The following PPHLN1 variants were observed in gnomAD, a reference collection of about 807,000 sequenced individuals.
The protein encoded by PPHLN1 is periphilin 1, also known as periphilin-1.
PPHLN1 carries 29 observed loss-of-function variants against 51.3 expected under a neutral mutation model. The ratio of observed to expected loss-of-function variants is 0.57; its 90% confidence interval spans 0.42 to 0.77. The LOEUF (loss-of-function observed/expected upper bound fraction) is 0.77. PPHLN1 is among the 30% of genes least tolerant of loss of function. The probability of loss-of-function intolerance (pLI) is 0.00; values close to 1 mark genes in which losing one functional copy is unlikely to be tolerated. For synonymous variants in PPHLN1, 147 were observed against 147.8 expected, an observed-to-expected ratio of 0.99 and a Z score of 0.04; for missense variants, 436 against 438.4, an observed-to-expected ratio of 0.99 and a Z score of 0.05.
At chr12:42,426,917 G>A (rs780767409) in intron 9 of PPHLN1, among the ~76,000 whole-genome samples, 1 of 152,128 alleles carries the variant, frequency 6.6e-6, no homozygotes, top group Non-Finnish European at 1.5e-5. Context: ...AAGTGGAGGG[G>A]GTGGGTCTTG....
chr12:42,416,400 G>A (rs1168431705), intron 9 of PPHLN1, among the ~76,000 whole-genome samples: 1 of 152,132 alleles, frequency 6.6e-6, no homozygotes, highest in Admixed American at 6.5e-5. Context: ...TTCAATTCTG[G>A]CATTAACCAC....
At chr12:42,363,030 A>G (rs1266374138) in intron 4 of PPHLN1, among the ~76,000 whole-genome samples, 1 of 152,162 alleles carries the variant, frequency 6.6e-6, no homozygotes, top group Non-Finnish European at 1.5e-5. Context: ...ACATTTATCT[A>G]GGCTTATATC....
At position 42,442,131 on chromosome 12, in the gene PPHLN1, A is replaced by C. The variant is rs1353994155; in HGVS notation, c.*622A>C. On this transcript the variant is annotated 3_prime_UTR_variant, in exon 10 of 10. Coordinates refer to ENST00000358314, the MANE Select transcript of PPHLN1 (RefSeq NM_201439.2). ...TGATGTATGAGTCTTAAATAATATC[A>C]TATACAAGACTAATAAATAGAAGAT... 4.2e-6 allele frequency: 1 copy of C among 240,074 alleles called. No homozygotes were observed. Among genetic ancestry groups the C allele is most frequent in the African/African-American group, 2.3e-5 (1 of 43,098 alleles). The allele number at this position is 240,074 out of a possible 1,614,324, so 14.9% of individuals were successfully genotyped here. A position where few individuals can be genotyped will look rare whatever the true frequency, so the allele number is the denominator to read the frequency against.
intron 7 of PPHLN1, among the ~76,000 whole-genome samples, chr12:42,392,769 T>C (rs772190806): frequency 1.1e-3 from 168 of 152,210 alleles, no homozygotes; most frequent in Non-Finnish European, 1.4e-3. Flanking sequence ...CAGATATGTT[T>C]TAGTATAATA....
intron 6 of PPHLN1, among the ~76,000 whole-genome samples, chr12:42,386,707 C>G (rs1369815088): frequency 6.6e-6 from 1 of 152,180 alleles, no homozygotes; most frequent in African/African-American, 2.4e-5. Context: ...TTTTCTGTAA[C>G]AGCTCACTGT....
chr12:42,413,893 G>A (rs1246439799), intron 9 of PPHLN1, among the ~76,000 whole-genome samples: 1 of 151,746 alleles, frequency 6.6e-6, no homozygotes, highest in Admixed American at 6.6e-5. Flanking sequence ...ATAATTTGAA[G>A]CCAGGTAATG....
At chr12:42,414,505 C>T (rs778720350) in intron 9 of PPHLN1, among the ~76,000 whole-genome samples, 28 of 151,828 alleles carry the variant, frequency 1.8e-4, no homozygotes, top group Non-Finnish European at 3.8e-4. Flanking sequence ...TAAGGATATT[C>T]CTAGGTATTT....
chr12:42,341,567 T>G (rs1000107478), intron 2 of PPHLN1, among the ~76,000 whole-genome samples: 1 of 152,218 alleles, frequency 6.6e-6, no homozygotes, highest in African/African-American at 2.4e-5. Context: ...AATATACAGC[T>G]TAACAAATGT....
downstream of PPHLN1, chr12:42,442,784 A>G: frequency 1.2e-6 from 2 of 1,611,226 alleles, no homozygotes; most frequent in South Asian, 2.2e-5. Flanking sequence ...GTTCAGGGGA[A>G]TTCTCAAGCT....
intron 2 of PPHLN1, among the ~76,000 whole-genome samples, chr12:42,349,522 G>T (rs2072889967): frequency 6.6e-6 from 1 of 152,138 alleles, no homozygotes; most frequent in Non-Finnish European, 1.5e-5. Flanking sequence ...GTGAACAAAG[G>T]TCTCTGGTTT....
At chr12:42,390,818 G>GTTTTTTT (rs34282980) in intron 7 of PPHLN1, among the ~76,000 whole-genome samples, 2 of 118,586 alleles carry the variant, frequency 1.7e-5, no homozygotes, top group Admixed American at 9.2e-5. Context: ...AGACCGTGAA[G>GTTTTTTT]TTTTTTTTTT....
At position 42,430,909 on chromosome 12, in the gene PPHLN1, T is replaced by G. The variant is rs188785259; in HGVS notation, c.910-10406T>G. On this transcript the variant is annotated intron_variant, in intron 9 of 9. Coordinates refer to ENST00000358314, the MANE Select transcript of PPHLN1 (RefSeq NM_201439.2). Reference sequence around the variant, plus strand: ...AAACAAAACAAGATAAAAAAGATACTCTACTGAAGACTAACATGTAGTTTA... The same window carrying G: ...AAACAAAACAAGATAAAAAAGATACGCTACTGAAGACTAACATGTAGTTTA... 1.2e-3 allele frequency among the ~76,000 whole-genome samples: 190 copies of G among 152,332 alleles called. 2 individuals carry two copies. Among genetic ancestry groups the G allele is most frequent in the African/African-American group, 4.4e-3 (184 of 41,572 alleles).
At chr12:42,403,844 A>G (rs1036662109) in intron 9 of PPHLN1, among the ~76,000 whole-genome samples, 4 of 152,286 alleles carry the variant, frequency 2.6e-5, no homozygotes, top group African/African-American at 9.6e-5. Context: ...TCTTCTCCTC[A>G]TCCACTCTCT....
At position 42,374,033 on chromosome 12, in the gene PPHLN1, C is replaced by A. The variant is rs150155559; in HGVS notation, c.300-830C>A. Among the ~76,000 whole-genome samples the A allele has an allele frequency of 1.8e-4, 27 of 152,178 alleles. No homozygotes were observed. The East Asian group carries it at 5.0e-3, about 28-fold the overall frequency. On this transcript the variant is annotated intron_variant, in intron 4 of 9. Transcript: ENST00000358314. ...TACCCATCAATGGTACTCTCCTCCC[C>A]AGTTATGATAATCAAAAATACCTCT...
chr12:42,380,902 AT>A (rs927441625), intron 5 of PPHLN1, among the ~76,000 whole-genome samples: 1 of 152,184 alleles, frequency 6.6e-6, no homozygotes, highest in Non-Finnish European at 1.5e-5. Context: ...ACAAACATAT[AT>A]TGAACATAAA....
At chr12:42,358,554 C>CTATTT (rs1405488327) in intron 4 of PPHLN1, among the ~76,000 whole-genome samples, 3 of 152,122 alleles carry the variant, frequency 2.0e-5, no homozygotes, top group East Asian at 1.9e-4. Context: ...CCACACCCAT[C>CTATTT]TATTTTATTT....
rs770990279 is a variant in PPHLN1, at chr12:42,352,055, T to A, written c.237+6T>A. The A allele has an allele frequency of 2.1e-6, 3 of 1,457,538 alleles. No individual in the cohort carries two copies. In the East Asian group the frequency reaches 7.9e-5, roughly 39 times the overall value. 90.3% of individuals were successfully genotyped at this position (1,457,538 alleles called of 1,614,324 possible). A position where few individuals can be genotyped will look rare whatever the true frequency, so the allele number is the denominator to read the frequency against. ...GTGGTCCACCTCACAGAGGAGTATG[T>A]AAATTTCCCCCATGTACTAATTGTT... On this transcript the variant is annotated splice_donor_region_variant and intron_variant, in intron 3 of 9. Coordinates refer to ENST00000358314, the MANE Select transcript of PPHLN1 (RefSeq NM_201439.2).
chr12:42,326,348 T>C (rs2406674), intron 1 of PPHLN1, 119 bp downstream of exon 1: 93,043 of 152,002 alleles, frequency 0.61, 28,672 homozygotes, highest in Admixed American at 0.67. Context: ...TTGAATTGTG[T>C]GACAATTCTG....
chr12:42,332,780 C>A, intron 1 of PPHLN1: 1 of 788,382 alleles, frequency 1.3e-6, no homozygotes, highest in Non-Finnish European at 2.0e-6. Context: ...TTTAATATTT[C>A]AGTATTAAAC....
Sources: allele counts gnomAD v4.1 joint callset (sites outside exome capture counted in the v4.1 genomes callset), GRCh38; gene constraint gnomAD v4.1.1; transcripts MANE v1.5; gene names NCBI Gene and HGNC (gene_info 2026-07-23, HGNC 2026-07-21).